The following AP1AR variants were observed in gnomAD, a reference collection of about 807,000 sequenced individuals.
The protein encoded by AP1AR is adaptor related protein complex 1 associated regulatory protein.
AP1AR carries 29 observed loss-of-function variants against 46.3 expected under a neutral mutation model. The ratio of observed to expected loss-of-function variants is 0.63; its 90% confidence interval spans 0.47 to 0.85. The LOEUF (loss-of-function observed/expected upper bound fraction) is 0.85, where lower values mean the gene tolerates loss of function less well. Among genes scored for constraint, AP1AR ranks in the 40% least tolerant of loss-of-function variants. The pLI, the probability that AP1AR is intolerant of heterozygous loss-of-function variation, is 0.00. For missense variants in AP1AR, 357 were observed against 356.3 expected (o/e 1.00, Z -0.02); for synonymous variants, 122 against 122.9 (o/e 0.99, Z 0.05).
chr4:112,253,397 G>C, intron 2 of AP1AR, 141 bp downstream of exon 2: 1 of 657,500 alleles, frequency 1.5e-6, no homozygotes, highest in East Asian at 2.9e-5. Context: ...AGTGAAGATT[G>C]AAAGAGTTGG....
intron 5 of AP1AR, among the ~76,000 whole-genome samples, chr4:112,261,522 T>G (rs748582371): frequency 1.9e-4 from 29 of 152,238 alleles, no homozygotes; most frequent in Non-Finnish European, 3.5e-4. Context: ...TTGGTGTATT[T>G]GTTCTCAGAG....
chr4:112,232,686 C>G (rs766121947), intron 1 of AP1AR, among the ~76,000 whole-genome samples: 17 of 152,190 alleles, frequency 1.1e-4, no homozygotes, highest in Non-Finnish European at 2.1e-4. Flanking sequence ...CTGATGAACT[C>G]TGGTAGCTAC....
At position 112,270,118 on chromosome 4, in the gene AP1AR, G is replaced by A. The variant is rs1726890776; in HGVS notation, c.*1709G>A. The stretch of plus-strand genomic sequence containing the variant: ...ATGCAGGTATTCTGATTCCTGACTT[G>A]TAATTATTTTATTAAATCTGATGTG... On this transcript the variant is annotated 3_prime_UTR_variant, in exon 10 of 10. Coordinates refer to ENST00000274000, the MANE Select transcript of AP1AR (RefSeq NM_018569.6). 1 of 152,494 alleles carries A rather than the reference G, an allele frequency of 6.6e-6. No homozygotes were observed. The highest frequency in any genetic ancestry group is 1.5e-5 in the Non-Finnish European group (1 of 67,988). 9.4% of individuals were successfully genotyped at this position (152,494 alleles called of 1,614,324 possible).
intron 7 of AP1AR, chr4:112,265,396 A>C: frequency 2.8e-6 from 1 of 355,076 alleles, no homozygotes; most frequent in East Asian, 5.5e-5. Context: ...AATAAAGTTT[A>C]TGTGTGGTCA....
intron 1 of AP1AR, 92 bp downstream of exon 1, chr4:112,232,266 G>T: frequency 1.8e-6 from 2 of 1,135,210 alleles, no homozygotes; most frequent in Non-Finnish European, 2.2e-6. Context: ...GGCGGCTGGA[G>T]GTGGCGGTCG....
chr4:112,267,558 C>G (rs1375604049), intron 9 of AP1AR, among the ~76,000 whole-genome samples: 1 of 151,870 alleles, frequency 6.6e-6, no homozygotes, highest in African/African-American at 2.4e-5. Context: ...AAAATTCTTG[C>G]TTCACCACTT....
Position 112,272,043 on chromosome 4 carries a change from C to T in AP1AR, c.*3634C>T, listed in dbSNP as rs796347321. ...ATAGCAAATGCTTTGAAAAGAGGTC[C>T]GCTGCTTTAGTTGCATTTGGAGACA... On this transcript the variant is annotated 3_prime_UTR_variant, in exon 10 of 10. Coordinates refer to ENST00000274000, the MANE Select transcript of AP1AR (RefSeq NM_018569.6). 5.3e-5 allele frequency among the ~76,000 whole-genome samples: 8 copies of T among 152,174 alleles called. No individual in the cohort carries two copies. The highest frequency in any genetic ancestry group is 1.7e-4 in the African/African-American group (7 of 41,510).
Position 112,270,412 on chromosome 4 carries a change from C to T in AP1AR, c.*2003C>T, listed in dbSNP as rs771242863. Among the ~76,000 whole-genome samples, 1 of 152,142 alleles carries T rather than the reference C, an allele frequency of 6.6e-6. No homozygotes were observed. Among genetic ancestry groups the T allele is most frequent in the East Asian group, 1.9e-4 (1 of 5,196 alleles). ...AGTAAACATACATGCAAGAAAATCA[C>T]AGGTCACAGTTAGAAAATATACAAG... On this transcript the variant is annotated 3_prime_UTR_variant, in exon 10 of 10. Transcript: ENST00000274000.
intron 1 of AP1AR, among the ~76,000 whole-genome samples, chr4:112,248,248 G>C (rs781627518): frequency 3.3e-5 from 5 of 152,142 alleles, no homozygotes; most frequent in Non-Finnish European, 7.4e-5. Context: ...GGGCTGATAT[G>C]GACTAAAAGA....
chr4:112,254,605 A>C, intron 2 of AP1AR, 142 bp from the exon 3 acceptor site: 1 of 463,986 alleles, frequency 2.2e-6, no homozygotes. Context: ...AAATGAAATG[A>C]TGTATTAAAG....
intron 3 of AP1AR, among the ~76,000 whole-genome samples, chr4:112,255,416 A>G (rs970380508): frequency 3.3e-5 from 5 of 152,174 alleles, no homozygotes; most frequent in African/African-American, 1.2e-4. Flanking sequence ...GAGTAGACCC[A>G]TTGCTTTTTG....
chr4:112,236,432 G>A (rs1255786434), intron 1 of AP1AR, among the ~76,000 whole-genome samples: 1 of 140,950 alleles, frequency 7.1e-6, no homozygotes, highest in Admixed American at 7.4e-5. Context: ...AAGGAGTCTC[G>A]CTCTCTTGCC....
intron 1 of AP1AR, among the ~76,000 whole-genome samples, chr4:112,245,621 G>C (rs1482295110): frequency 6.6e-6 from 1 of 152,188 alleles, no homozygotes; most frequent in Admixed American, 6.5e-5. Flanking sequence ...GGACAGTGCA[G>C]ATCTATCCAA....
In AP1AR at chr4:112,231,977, G is replaced by A. The variant is rs1009106640; in HGVS notation, c.-115G>A. 1.0e-6 allele frequency: 1 copy of A among 1,003,986 alleles called. No individual in the cohort carries two copies. The allele number at this position is 1,003,986 out of a possible 1,614,324, so 62.2% of individuals were successfully genotyped here. A position where few individuals can be genotyped will look rare whatever the true frequency, so the allele number is the denominator to read the frequency against. On this transcript the variant is annotated 5_prime_UTR_variant, in exon 1 of 10. Coordinates refer to ENST00000274000, the MANE Select transcript of AP1AR (RefSeq NM_018569.6). ...CACGCCGCCGGGCTCTGGCCGGCCCGCCCTCGGTCCTTGAACCCCATTTCG... is the reference window on the plus strand; with the variant it reads ...CACGCCGCCGGGCTCTGGCCGGCCCACCCTCGGTCCTTGAACCCCATTTCG...
intron 5 of AP1AR, among the ~76,000 whole-genome samples, chr4:112,261,269 CA>C (rs1726429519): frequency 6.6e-6 from 1 of 151,962 alleles, no homozygotes; most frequent in Admixed American, 6.5e-5. Context: ...CCCGTCTCTA[CA>C]AAAAATACAA....
intron 1 of AP1AR, among the ~76,000 whole-genome samples, chr4:112,236,783 A>G (rs1439652381): frequency 6.6e-6 from 1 of 152,170 alleles, no homozygotes; most frequent in Non-Finnish European, 1.5e-5. Flanking sequence ...GTCCCTTTGT[A>G]TACTCAGGAT....
chr4:112,232,424 G>A (rs1725054521), intron 1 of AP1AR, among the ~76,000 whole-genome samples: 1 of 152,248 alleles, frequency 6.6e-6, no homozygotes, highest in Non-Finnish European at 1.5e-5. Context: ...GTCACGCGGG[G>A]AAGGAGTCAC....
chr4:112,244,548 A>G (rs1725642776), intron 1 of AP1AR, among the ~76,000 whole-genome samples: 1 of 152,176 alleles, frequency 6.6e-6, no homozygotes, highest in African/African-American at 2.4e-5. Flanking sequence ...CAGAGTTGTC[A>G]AGACTAAATA....
rs756156454 is a variant in AP1AR, at chr4:112,265,768, A to G, written c.475A>G (p.Arg159Gly). ...AGAAGATGACTTCGAATCTTGTTTG[A>G]GAAATATGAAGTCACAGTATGAAGT... ...GPEDDFESCL[R>G]NMKSQYEVFR... Residue 159 changes from arginine to glycine, a missense_variant, in exon 8 of 10, where the codon AGA (arginine) becomes GGA (glycine). By Grantham distance (125) the Arg-to-Gly change is moderately radical. This residue lies in a region of AP1AR where 269 missense variants were observed against 223.6 expected (regional missense o/e 1.20). Coordinates refer to ENST00000274000, the MANE Select transcript of AP1AR (RefSeq NM_018569.6). The G allele has an allele frequency of 6.2e-7, 1 of 1,609,792 alleles. No homozygotes were observed. The highest frequency in any genetic ancestry group is 1.1e-5 in the South Asian group (1 of 90,666).
Sources: gnomAD v4.1 joint callset for allele counts (sites outside exome capture counted in the v4.1 genomes callset) on GRCh38, gnomAD v4.1.1 for gene constraint, gnomAD v4.1.1 regional missense constraint, MANE v1.5 for transcripts, NCBI Gene and HGNC (gene_info 2026-07-23, HGNC 2026-07-21) for gene names.